ATG10: variants seen among roughly 807,000 people sequenced by gnomAD.
The protein encoded by ATG10 is autophagy related 10.
A neutral mutation model predicts 32.1 loss-of-function variants in ATG10; 30 were observed. That is an observed-to-expected ratio of 0.94 (90% confidence interval 0.70 to 1.27). The LOEUF is 1.27. Among genes scored for constraint, ATG10 ranks in the 50% most tolerant of loss-of-function variants. ATG10 has a pLI of 0.00. For missense variants in ATG10, 233 were observed against 262.3 expected (o/e 0.89, Z 0.77); for synonymous variants, 87 against 91.5 (o/e 0.95, Z 0.28).
chr5:82,200,221 G>A (rs1171357348), intron 5 of ATG10, among the ~76,000 whole-genome samples: 1 of 151,906 alleles, frequency 6.6e-6, no homozygotes, highest in African/African-American at 2.4e-5. Context: ...AGCATTGGAA[G>A]CATTTTATAC....
intron 3 of ATG10, among the ~76,000 whole-genome samples, chr5:82,099,964 G>T (rs1765203817): frequency 6.9e-6 from 1 of 144,914 alleles, no homozygotes; most frequent in Non-Finnish European, 1.5e-5. Context: ...TTTTTAAAGA[G>T]ACAGTGATTT....
intron 2 of ATG10, among the ~76,000 whole-genome samples, chr5:82,010,845 G>A (rs1189476105): frequency 6.6e-6 from 1 of 152,168 alleles, no homozygotes; most frequent in African/African-American, 2.4e-5. Context: ...GCAATTGCTT[G>A]TGTTCTAGTT....
chr5:82,030,890 A>G (rs1291931654), intron 2 of ATG10, among the ~76,000 whole-genome samples: 2 of 152,110 alleles, frequency 1.3e-5, no homozygotes, highest in Non-Finnish European at 2.9e-5. Context: ...TTTAGCCTAC[A>G]TTTAGGTTTT....
intron 2 of ATG10, among the ~76,000 whole-genome samples, chr5:82,057,961 A>G (rs1561277282): frequency 6.6e-6 from 1 of 152,184 alleles, no homozygotes; most frequent in Non-Finnish European, 1.5e-5. Flanking sequence ...ACAATGCACT[A>G]AAATGGAAAT....
chr5:82,012,144 T>C (rs1303069758), intron 2 of ATG10, among the ~76,000 whole-genome samples: 3 of 152,226 alleles, frequency 2.0e-5, no homozygotes, highest in Non-Finnish European at 4.4e-5. Flanking sequence ...CTGGGAGGGA[T>C]GGGAGCAACC....
chr5:82,232,980 T>C lies in ATG10; in HGVS notation c.454-19582T>C, dbSNP rs1388791922. Among the ~76,000 whole-genome samples, 3 of 152,206 alleles carry C rather than the reference T, an allele frequency of 2.0e-5. No homozygotes were observed. In the East Asian group the frequency reaches 5.8e-4, roughly 29 times the overall value. The stretch of plus-strand genomic sequence containing the variant: ...CTGCTCTTGAACACATCTAGTTCAC[T>C]CCCTTCTAATGGTCTTTACTCTTAT... On this transcript the variant is annotated intron_variant, in intron 5 of 7. Transcript: ENST00000282185.
chr5:82,142,144 A>G (rs1160982078), intron 3 of ATG10, among the ~76,000 whole-genome samples: 1 of 152,226 alleles, frequency 6.6e-6, no homozygotes, highest in Non-Finnish European at 1.5e-5. Context: ...CTTCATGTCT[A>G]TTGAGCATCT....
intron 2 of ATG10, among the ~76,000 whole-genome samples, chr5:82,037,234 CTTTTTTTTT>C (rs1166784267): frequency 7.0e-4 from 26 of 36,938 alleles, no homozygotes; most frequent in East Asian, 6.8e-3. Flanking sequence ...ATCTCATTTA[CTTTTTTTTT>C]TTTTTTTTTT....
At chr5:82,206,604 C>T (rs141207974) in intron 5 of ATG10, among the ~76,000 whole-genome samples, 8,493 of 150,860 alleles carry the variant, frequency 0.056, 318 homozygotes, top group Non-Finnish European at 0.079. Context: ...GAGCCGAGAT[C>T]GCACCACTGC....
intron 2 of ATG10, among the ~76,000 whole-genome samples, chr5:81,995,446 G>A (rs535824366): frequency 6.6e-6 from 1 of 152,206 alleles, no homozygotes; most frequent in East Asian, 1.9e-4. Flanking sequence ...CCCAGCCTGA[G>A]TTTTTAATGT....
chr5:81,995,953 G>T (rs951390063), intron 2 of ATG10, among the ~76,000 whole-genome samples: 1 of 152,154 alleles, frequency 6.6e-6, no homozygotes, highest in African/African-American at 2.4e-5. Context: ...TACAGAAGTT[G>T]TTTTCATAAA....
intron 3 of ATG10, among the ~76,000 whole-genome samples, chr5:82,093,525 CA>C (rs1339183274): frequency 6.6e-6 from 1 of 152,160 alleles, no homozygotes; most frequent in Non-Finnish European, 1.5e-5. Flanking sequence ...GCCCATGAGT[CA>C]AATCTGGTCT....
At chr5:82,189,454 C>G (rs1302212989) in intron 5 of ATG10, among the ~76,000 whole-genome samples, 1 of 152,122 alleles carries the variant, frequency 6.6e-6, no homozygotes, top group African/African-American at 2.4e-5. Flanking sequence ...TAAACCAATT[C>G]CAAGAGATGG....
At chr5:82,102,725 C>A (rs558025102) in intron 3 of ATG10, among the ~76,000 whole-genome samples, 1 of 152,094 alleles carries the variant, frequency 6.6e-6, no homozygotes, top group South Asian at 2.1e-4. Flanking sequence ...TGCTTTTGAC[C>A]ATCCTTCTCA....
At position 82,116,106 on chromosome 5, in the gene ATG10, A is replaced by G. The variant is rs377721063; in HGVS notation, c.217-48293A>G. On this transcript the variant is annotated intron_variant, in intron 3 of 7. Coordinates refer to ENST00000282185, the MANE Select transcript of ATG10 (RefSeq NM_031482.5). Reference sequence around the variant, plus strand: ...CTCATTTTGAAATTCATGTTCCACTATGCTTGTCTCTAATCTAAAATAATT... The same window carrying G: ...CTCATTTTGAAATTCATGTTCCACTGTGCTTGTCTCTAATCTAAAATAATT... Among the ~76,000 whole-genome samples the G allele has an allele frequency of 3.9e-5, 6 of 152,200 alleles. No individual in the cohort carries two copies. The East Asian group carries it at 5.8e-4, about 15-fold the overall frequency.
At chr5:82,101,446 A>G (rs1398070372) in intron 3 of ATG10, among the ~76,000 whole-genome samples, 3 of 152,128 alleles carry the variant, frequency 2.0e-5, no homozygotes, top group African/African-American at 7.2e-5. Context: ...TCTTGTGGCC[A>G]TACCTGGCTG....
Position 82,255,316 on chromosome 5 carries a change from G to A in ATG10, c.*1253G>A, listed in dbSNP as rs1747424485. ...TATTCATTAAATGCTCACCTTTCTTGTATATAATTGGTATTCACTAAGGCT... is the reference window on the plus strand; with the variant it reads ...TATTCATTAAATGCTCACCTTTCTTATATATAATTGGTATTCACTAAGGCT... On this transcript the variant is annotated 3_prime_UTR_variant, in exon 8 of 8. Coordinates refer to ENST00000282185, the MANE Select transcript of ATG10 (RefSeq NM_031482.5). The A allele has an allele frequency of 6.6e-6, 1 of 152,100 alleles. No homozygotes were observed. The highest frequency in any genetic ancestry group is 2.1e-4 in the South Asian group (1 of 4,830). The allele number at this position is 152,100 out of a possible 1,614,324, so 9.4% of individuals were successfully genotyped here.
At chr5:82,061,817 CCTT>C (rs1763786974) in intron 3 of ATG10, among the ~76,000 whole-genome samples, 1 of 94,036 alleles carries the variant, frequency 1.1e-5, no homozygotes, top group Non-Finnish European at 2.0e-5. Flanking sequence ...TACACACATA[CCTT>C]TTTTTTTTTT....
At chr5:82,238,042 G>A (rs185701703) in intron 5 of ATG10, among the ~76,000 whole-genome samples, 1 of 152,294 alleles carries the variant, frequency 6.6e-6, no homozygotes, top group Non-Finnish European at 1.5e-5. Flanking sequence ...TCATCCCAGG[G>A]AACAAGGTCT....
Sources: allele counts gnomAD v4.1 joint callset (sites outside exome capture counted in the v4.1 genomes callset), GRCh38; gene constraint gnomAD v4.1.1; transcripts MANE v1.5; gene names NCBI Gene and HGNC (gene_info 2026-07-23, HGNC 2026-07-21).